SYBU: variants seen among roughly 807,000 people sequenced by gnomAD.
SYBU encodes the protein GOLSYN A protein.
SYBU carries 21 observed loss-of-function variants against 35.9 expected under a neutral mutation model. That is an observed-to-expected ratio of 0.58 (90% CI 0.41 to 0.84). SYBU has a LOEUF of 0.84. SYBU is among the 40% of genes least tolerant of loss of function. The probability of loss-of-function intolerance (pLI) is 0.00; values close to 1 mark genes in which losing one functional copy is unlikely to be tolerated. For missense variants in SYBU, 768 were observed against 848.2 expected (o/e 0.91, Z 1.17); for synonymous variants, 319 against 324.3 (o/e 0.98, Z 0.18).
intron 1 of SYBU, among the ~76,000 whole-genome samples, chr8:109,663,915 G>A (rs193074280): frequency 6.6e-6 from 1 of 152,206 alleles, no homozygotes; most frequent in Non-Finnish European, 1.5e-5. Flanking sequence ...AAGAACCATA[G>A]GTTCAGCTTA....
chr8:109,653,249 T>C (rs994870305), intron 1 of SYBU, among the ~76,000 whole-genome samples: 6 of 151,990 alleles, frequency 3.9e-5, no homozygotes, highest in African/African-American at 1.5e-4. Flanking sequence ...CAAAAAAAAT[T>C]AAAAGGTATA....
intron 1 of SYBU, among the ~76,000 whole-genome samples, chr8:109,670,735 A>T (rs964674117): frequency 2.0e-5 from 3 of 152,160 alleles, no homozygotes; most frequent in Non-Finnish European, 4.4e-5. Context: ...CTGCCAGCAT[A>T]TCAGTTTTTA....
At chr8:109,681,885 G>C (rs540921976), upstream of SYBU, among the ~76,000 whole-genome samples, 1 of 152,156 alleles carries the variant, frequency 6.6e-6, no homozygotes, top group Non-Finnish European at 1.5e-5. Context: ...TGCTGTTCTT[G>C]TGATAGTGAG....
intron 2 of SYBU, among the ~76,000 whole-genome samples, chr8:109,619,316 C>T (rs1812178011): frequency 6.6e-6 from 1 of 152,014 alleles, no homozygotes; most frequent in African/African-American, 2.4e-5. Context: ...CTCCACATCC[C>T]AGGTTCAAGC....
intron 1 of SYBU, among the ~76,000 whole-genome samples, chr8:109,667,862 A>G (rs1461753394): frequency 6.6e-6 from 1 of 152,148 alleles, no homozygotes; most frequent in Non-Finnish European, 1.5e-5. Flanking sequence ...GTCATGTGAA[A>G]AATTTGAACA....
At chr8:109,687,779 T>C (rs1817554086) in intron 1 of SYBU, among the ~76,000 whole-genome samples, 1 of 152,134 alleles carries the variant, frequency 6.6e-6, no homozygotes, top group African/African-American at 2.4e-5. Flanking sequence ...GGTATTATTA[T>C]AGAGAATTTT....
At chr8:109,619,296 T>C (rs1812174950) in intron 2 of SYBU, among the ~76,000 whole-genome samples, 1 of 152,092 alleles carries the variant, frequency 6.6e-6, no homozygotes, top group Non-Finnish European at 1.5e-5. Flanking sequence ...TGATCTCAGT[T>C]CATTGCAACC....
At position 109,632,667 on chromosome 8, in the gene SYBU, A is replaced by G. The variant is rs145713246; in HGVS notation, c.229+10061T>C. ...CTTTTTTAAAAAAAAGAACAAAAGA[A>G]GAAAATAGAGTCAAAGAAAAAATAT... On this transcript the variant is annotated intron_variant, in intron 2 of 6. Coordinates refer to ENST00000276646, the MANE Select transcript of SYBU (RefSeq NM_001099754.2). Among the ~76,000 whole-genome samples the G allele has an allele frequency of 2.8e-3, 419 of 152,356 alleles. 8 individuals carry two copies. The highest frequency in any genetic ancestry group is 0.017 in the Admixed American group (254 of 15,298).
At chr8:109,673,016 A>C (rs968200622) in intron 1 of SYBU, among the ~76,000 whole-genome samples, 2 of 152,212 alleles carry the variant, frequency 1.3e-5, no homozygotes, top group Non-Finnish European at 2.9e-5. Flanking sequence ...CTCTGAAAGA[A>C]AAGCAGCAGC....
intron 1 of SYBU, among the ~76,000 whole-genome samples, chr8:109,679,987 A>G (rs1485818994): frequency 6.6e-6 from 1 of 151,982 alleles, no homozygotes; most frequent in African/African-American, 2.4e-5. Flanking sequence ...TAGTTTAGCA[A>G]TAAATAATAC....
chr8:109,675,902 C>G (rs559779550), intron 1 of SYBU, among the ~76,000 whole-genome samples: 1 of 152,320 alleles, frequency 6.6e-6, no homozygotes, highest in South Asian at 2.1e-4. Flanking sequence ...AAAATACTGT[C>G]AAACCAAATC....
chr8:109,687,889 G>A (rs1414221981), intron 1 of SYBU, among the ~76,000 whole-genome samples: 3 of 152,138 alleles, frequency 2.0e-5, no homozygotes, highest in Non-Finnish European at 4.4e-5. Context: ...TAAATGGACT[G>A]CTCTAACAAT....
chr8:109,626,188 T>TTGCTTTTGACTTGATAA (rs1812962569), intron 2 of SYBU, among the ~76,000 whole-genome samples: 1 of 152,218 alleles, frequency 6.6e-6, no homozygotes, highest in Non-Finnish European at 1.5e-5. Flanking sequence ...ACCCTTTTGT[T>TTGCTTTTGACTTGATAA]TGCTTTTGAC....
chr8:109,662,570 C>G (rs1366298017), intron 1 of SYBU, among the ~76,000 whole-genome samples: 3 of 152,166 alleles, frequency 2.0e-5, no homozygotes, highest in Non-Finnish European at 2.9e-5. Flanking sequence ...TGCAGACTCT[C>G]CCAGAGTCTA....
At chr8:109,617,431 TA>T (rs1811932807) in intron 3 of SYBU, among the ~76,000 whole-genome samples, 1 of 152,222 alleles carries the variant, frequency 6.6e-6, no homozygotes, top group African/African-American at 2.4e-5. Context: ...TTGAATAGGC[TA>T]AAAACTATTG....
intron 1 of SYBU, among the ~76,000 whole-genome samples, chr8:109,652,836 C>T (rs1816204967): frequency 6.6e-6 from 1 of 152,210 alleles, no homozygotes; most frequent in Admixed American, 6.5e-5. Flanking sequence ...TGGTTCCAAA[C>T]TCCTTTCTTC....
chr8:109,691,405 C>A lies in SYBU; in HGVS notation c.-130G>T, dbSNP rs972217331. On this transcript the variant is annotated 5_prime_UTR_variant, in exon 1 of 8. Coordinates refer to the SYBU transcript ENST00000422135. This position sits in a 1 kb window ranked among gnomAD's most constrained non-coding sequence, Gnocchi z 4.7. ...CTACGTGCGCCCGGGAGACCGGGCCCCGGCTGGGCCGGGTGCCGGTGCGGA... is the reference window on the plus strand; with the variant it reads ...CTACGTGCGCCCGGGAGACCGGGCCACGGCTGGGCCGGGTGCCGGTGCGGA... 2 of 688,380 alleles carry A rather than the reference C, an allele frequency of 2.9e-6. No individual in the cohort carries two copies. The highest frequency in any genetic ancestry group is 1.5e-5 in the South Asian group (1 of 66,078). The allele number at this position is 688,380 out of a possible 1,614,324, so 42.6% of individuals were successfully genotyped here.
At chr8:109,614,097 G>T (rs569827543) in intron 3 of SYBU, among the ~76,000 whole-genome samples, 14 of 152,282 alleles carry the variant, frequency 9.2e-5, no homozygotes, top group African/African-American at 3.4e-4. Flanking sequence ...CTCTTTACCA[G>T]TCTCCTTAAT....
intron 6 of SYBU, among the ~76,000 whole-genome samples, chr8:109,577,351 T>C (rs1280521065): frequency 6.6e-6 from 1 of 151,324 alleles, no homozygotes; most frequent in African/African-American, 2.4e-5. Context: ...TAAGATCTCT[T>C]AAGCATGGGC....
Sources: allele counts gnomAD v4.1 joint callset (sites outside exome capture counted in the v4.1 genomes callset), GRCh38; gene constraint gnomAD v4.1.1; non-coding constraint Gnocchi (gnomAD v3.1); transcripts MANE v1.5; gene names NCBI Gene and HGNC (gene_info 2026-07-23, HGNC 2026-07-21).